BACH2: variants seen among roughly 807,000 people sequenced by gnomAD.
BACH2 encodes BACH transcriptional regulator 2.
Under a neutral mutation model 61.8 loss-of-function variants are expected in BACH2, and 5 were observed. The observed-to-expected ratio is 0.08, with a 90% CI of 0.04 to 0.17. The LOEUF is 0.17. Ranked by LOEUF, BACH2 falls within the 10% of genes least tolerant of loss-of-function variation. The pLI is 1.00. For synonymous variants in BACH2, 446 were observed against 440.1 expected (o/e 1.01, Z -0.17); for missense variants, 824 against 1,091.1 (o/e 0.76, Z 3.45).
chr6:90,069,005 C>T (rs1274704128), intron 5 of BACH2, among the ~76,000 whole-genome samples: 1 of 152,126 alleles, frequency 6.6e-6, no homozygotes, highest in African/African-American at 2.4e-5. Flanking sequence ...TTTTGCCTTC[C>T]TTCCTTCTTT....
At chr6:89,945,650 G>T (rs534510297) in intron 7 of BACH2, among the ~76,000 whole-genome samples, 7 of 152,242 alleles carry the variant, frequency 4.6e-5, no homozygotes, top group African/African-American at 1.7e-4. Flanking sequence ...CAACATTGTG[G>T]ATATATCAAC....
intron 4 of BACH2, among the ~76,000 whole-genome samples, chr6:90,186,979 T>C (rs1214110361): frequency 6.6e-6 from 1 of 152,178 alleles, no homozygotes; most frequent in African/African-American, 2.4e-5. Context: ...TCAAAAGCAA[T>C]GAATAATCGC....
At chr6:90,246,534 C>G (rs557592117) in intron 3 of BACH2, among the ~76,000 whole-genome samples, 41 of 152,186 alleles carry the variant, frequency 2.7e-4, no homozygotes, top group Non-Finnish European at 5.1e-4. Flanking sequence ...AAGATACATA[C>G]ATTCACCCGA....
chr6:90,055,944 C>T (rs1029949874), intron 5 of BACH2, among the ~76,000 whole-genome samples: 3 of 152,126 alleles, frequency 2.0e-5, no homozygotes, highest in African/African-American at 7.2e-5. Context: ...CACCACCAGG[C>T]CTGCCCTAAA....
At chr6:90,152,536 T>G (rs1784862566) in intron 4 of BACH2, among the ~76,000 whole-genome samples, 1 of 152,262 alleles carries the variant, frequency 6.6e-6, no homozygotes, top group South Asian at 2.1e-4. Flanking sequence ...ATCTTGTTAA[T>G]ATTAGGCTAT....
At chr6:89,964,197 AAAGTAT>A (rs897336342) in intron 6 of BACH2, among the ~76,000 whole-genome samples, 2 of 143,388 alleles carry the variant, frequency 1.4e-5, no homozygotes, top group African/African-American at 2.7e-5. Context: ...CCTAAAACTT[AAAGTAT>A]AATTAAAAAA....
intron 1 of BACH2, among the ~76,000 whole-genome samples, chr6:90,291,822 C>T (rs1772189009): frequency 6.6e-6 from 1 of 152,120 alleles, no homozygotes; most frequent in Admixed American, 6.5e-5. Flanking sequence ...GTGCTGCGTT[C>T]CCATATGTGG....
At chr6:90,172,376 T>TA (rs1289465509) in intron 4 of BACH2, among the ~76,000 whole-genome samples, 16 of 149,240 alleles carry the variant, frequency 1.1e-4, no homozygotes, top group African/African-American at 3.9e-4. Flanking sequence ...TTTAGAGATG[T>TA]AAAGGGCAGA....
intron 3 of BACH2, among the ~76,000 whole-genome samples, chr6:90,212,509 T>C (rs571096942): frequency 1.3e-5 from 2 of 152,294 alleles, no homozygotes; most frequent in African/African-American, 4.8e-5. Context: ...GCAAACACAC[T>C]ATAACATGGT....
At position 90,064,975 on chromosome 6, in the gene BACH2, G is replaced by A. The variant is rs76001895; in HGVS notation, c.-13+23986C>T. Among the ~76,000 whole-genome samples the A allele has an allele frequency of 8.7e-3, 1,328 of 152,190 alleles. 15 individuals are homozygous for A. Among genetic ancestry groups the A allele is most frequent in the Non-Finnish European group, 0.014 (943 of 68,008 alleles). On this transcript the variant is annotated intron_variant, in intron 5 of 8. Coordinates refer to ENST00000257749, the MANE Select transcript of BACH2 (RefSeq NM_021813.4). ...GCTGGACACTGGGGTCGGGAAGAATGGGCTGATGTGGTGGACTGTTTTTCA... is the reference window on the plus strand; with the variant it reads ...GCTGGACACTGGGGTCGGGAAGAATAGGCTGATGTGGTGGACTGTTTTTCA...
At chr6:90,270,984 C>T (rs916602638) in intron 2 of BACH2, among the ~76,000 whole-genome samples, 1 of 152,100 alleles carries the variant, frequency 6.6e-6, no homozygotes, top group African/African-American at 2.4e-5. Context: ...GGAAAGAATA[C>T]CCTATTCAAT....
rs181852073 is a variant in BACH2 at position 89,964,636 on chromosome 6, G to A, written c.244-12774C>T. Among the ~76,000 whole-genome samples the A allele has an allele frequency of 5.8e-3, 883 of 152,242 alleles. 3 individuals are homozygous for A. Among genetic ancestry groups the A allele is most frequent in the South Asian group, 0.021 (99 of 4,826 alleles). ...TCTACCTTTGCATCTTCTACTTTCT[G>A]GAAGGTGGAATTGCCAATGTGGCAA... On this transcript the variant is annotated intron_variant, in intron 6 of 8. Transcript: ENST00000257749.
intron 4 of BACH2, among the ~76,000 whole-genome samples, chr6:90,146,439 C>A (rs4707601): frequency 6.6e-6 from 1 of 152,182 alleles, no homozygotes; most frequent in African/African-American, 2.4e-5. Context: ...TTATTCTATA[C>A]GATTCTGAGG....
chr6:90,149,365 G>A (rs1784732775), intron 4 of BACH2, among the ~76,000 whole-genome samples: 1 of 152,178 alleles, frequency 6.6e-6, no homozygotes, highest in African/African-American at 2.4e-5. Context: ...ACTAGCATTG[G>A]TCTCAGGGCT....
intron 5 of BACH2, among the ~76,000 whole-genome samples, chr6:90,045,297 C>T (rs1411874446): frequency 6.6e-6 from 1 of 152,220 alleles, no homozygotes. Context: ...GGCTTGTGTG[C>T]AAGGTGTGTC....
intron 6 of BACH2, among the ~76,000 whole-genome samples, chr6:89,954,460 C>G (rs1230114204): frequency 2.9e-5 from 3 of 104,930 alleles, no homozygotes; most frequent in Non-Finnish European, 5.5e-5. Flanking sequence ...TCCCCCCACC[C>G]CACAACAGTC....
rs367695769 is a variant in BACH2, at chr6:89,954,024, G to A, written c.244-2162C>T. ...AGAATCTTTAAAAGAAAGTAAAAAA[G>A]CAAGGAAATGTGTATTTATAGGTAA... On this transcript the variant is annotated intron_variant, in intron 6 of 8. Transcript: ENST00000257749. Among the ~76,000 whole-genome samples the A allele has an allele frequency of 7.9e-5, 12 of 151,046 alleles. No homozygotes were observed. The East Asian group carries it at 1.4e-3, about 17-fold the overall frequency.
At chr6:90,044,567 A>T (rs1204013856) in intron 5 of BACH2, among the ~76,000 whole-genome samples, 1 of 152,188 alleles carries the variant, frequency 6.6e-6, no homozygotes, top group Non-Finnish European at 1.5e-5. Flanking sequence ...TTCCATATGG[A>T]AAATGGGTTG....
intron 3 of BACH2, among the ~76,000 whole-genome samples, chr6:90,217,497 A>G (rs535329489): frequency 1.8e-4 from 27 of 152,308 alleles, no homozygotes; most frequent in African/African-American, 5.3e-4. Flanking sequence ...AACAAAGATA[A>G]TCAGGGTGAC....
Sources: allele counts gnomAD v4.1 joint callset (sites outside exome capture counted in the v4.1 genomes callset), GRCh38; gene constraint gnomAD v4.1.1; transcripts MANE v1.5; gene names NCBI Gene and HGNC (gene_info 2026-07-23, HGNC 2026-07-21).